LOC122539214: variants seen among roughly 807,000 people sequenced by gnomAD.
chr19:52,659,096 G>A, the LOC122539214 span, among the ~76,000 whole-genome samples: 2 of 152,070 alleles, frequency 1.3e-5, no homozygotes, highest in East Asian at 1.9e-4. Flanking sequence ...GCAGACCCCC[G>A]CAGCTAATGC....
the LOC122539214 span, among the ~76,000 whole-genome samples, chr19:52,676,968 T>A: frequency 7.0e-6 from 1 of 143,632 alleles, no homozygotes; most frequent in African/African-American, 2.6e-5. Context: ...TAATCTCAAG[T>A]AATCAGGGAC....
chr19:52,676,386 C>T, the LOC122539214 span, among the ~76,000 whole-genome samples: 1 of 152,328 alleles, frequency 6.6e-6, no homozygotes, highest in African/African-American at 2.4e-5. Flanking sequence ...AGATTGCAGC[C>T]TCTGCCCGGC....
chr19:52,680,787 T>C, the LOC122539214 span, among the ~76,000 whole-genome samples: 1 of 147,574 alleles, frequency 6.8e-6, no homozygotes, highest in African/African-American at 2.6e-5. Flanking sequence ...TAATTTTTTG[T>C]ATTTTTAGTA....
At chr19:52,674,872 C>T in the LOC122539214 span, among the ~76,000 whole-genome samples, 1 of 152,194 alleles carries the variant, frequency 6.6e-6, no homozygotes, top group Admixed American at 6.5e-5. Flanking sequence ...AAATCCCTAT[C>T]AGTTTTTGTC....
chr19:52,666,618 CAAAA>C, the LOC122539214 span, among the ~76,000 whole-genome samples: 682 of 105,780 alleles, frequency 6.4e-3, 6 homozygotes, highest in African/African-American at 0.019. Context: ...TATCCTAAGT[CAAAA>C]AAAAAAAAAA....
chr19:52,664,184 ATTTT>A, the LOC122539214 span, among the ~76,000 whole-genome samples: 10 of 141,852 alleles, frequency 7.0e-5, no homozygotes, highest in Admixed American at 3.5e-4. Context: ...CACCAGGCCT[ATTTT>A]TTTTTTTTTT....
chr19:52,659,963 C>G, the LOC122539214 span, among the ~76,000 whole-genome samples: 1 of 152,070 alleles, frequency 6.6e-6, no homozygotes, highest in African/African-American at 2.4e-5. Context: ...GAGGCTGAGG[C>G]GGGCAGATCA....
the LOC122539214 span, among the ~76,000 whole-genome samples, chr19:52,656,828 T>A: frequency 6.9e-6 from 1 of 145,638 alleles, no homozygotes; most frequent in Non-Finnish European, 1.5e-5. Flanking sequence ...ATAGTGCCAT[T>A]TCATTCCAGC....
At chr19:52,663,536 A>G in the LOC122539214 span, among the ~76,000 whole-genome samples, 1 of 152,228 alleles carries the variant, frequency 6.6e-6, no homozygotes, top group Admixed American at 6.5e-5. Context: ...ATCAGATGAC[A>G]TGAGGAAAGA....
the LOC122539214 span, chr19:52,650,996 G>A: frequency 6.6e-6 from 1 of 152,206 alleles, no homozygotes; most frequent in Non-Finnish European, 1.5e-5. Context: ...CCCTTAGAAG[G>A]TAGATTAGGT....
the LOC122539214 span, among the ~76,000 whole-genome samples, chr19:52,687,535 A>T: frequency 1.6e-4 from 14 of 88,116 alleles, 4 homozygotes; most frequent in African/African-American, 5.6e-4. Flanking sequence ...TATATAAATT[A>T]TATATATAAA....
At chr19:52,671,752 A>C in the LOC122539214 span, among the ~76,000 whole-genome samples, 1 of 152,062 alleles carries the variant, frequency 6.6e-6, no homozygotes, top group Non-Finnish European at 1.5e-5. Context: ...ATTGCAATCT[A>C]TTTTAGGTGT....
At chr19:52,658,731 T>A in the LOC122539214 span, among the ~76,000 whole-genome samples, 1 of 152,094 alleles carries the variant, frequency 6.6e-6, no homozygotes, top group African/African-American at 2.4e-5. Flanking sequence ...CTAGGGACAA[T>A]AGAGGCTTCC....
the LOC122539214 span, among the ~76,000 whole-genome samples, chr19:52,671,968 C>T: frequency 6.6e-6 from 1 of 152,168 alleles, no homozygotes; most frequent in Non-Finnish European, 1.5e-5. Context: ...CACATTGACT[C>T]ACACCTGTAA....
chr19:52,668,343 G>C, the LOC122539214 span, among the ~76,000 whole-genome samples: 1 of 152,116 alleles, frequency 6.6e-6, no homozygotes, highest in African/African-American at 2.4e-5. Flanking sequence ...CACTGTTCCT[G>C]GATCAAGCCC....
chr19:52,655,413 G>T, the LOC122539214 span: 1 of 776,320 alleles, frequency 1.3e-6, no homozygotes, highest in South Asian at 1.7e-5. Context: ...AGCTGTCTAT[G>T]ACAGACAGGA....
the LOC122539214 span, chr19:52,652,548 A>C: frequency 3.4e-3 from 1,529 of 443,908 alleles, 5 homozygotes; most frequent in Non-Finnish European, 5.5e-3. Flanking sequence ...TGCTGCAATC[A>C]TGACATTTGT....
the LOC122539214 span, among the ~76,000 whole-genome samples, chr19:52,671,258 G>C: frequency 2.0e-5 from 3 of 152,016 alleles, no homozygotes; most frequent in Non-Finnish European, 4.4e-5. Flanking sequence ...AAAAAAATCA[G>C]AGCTTACACC....
the LOC122539214 span, among the ~76,000 whole-genome samples, chr19:52,664,070 G>A: frequency 3.9e-5 from 6 of 152,128 alleles, no homozygotes; most frequent in Admixed American, 1.3e-4. Flanking sequence ...TTTCAGTTGA[G>A]ATGAGGATTC....
Sources: gnomAD v4.1 joint callset for allele counts (sites outside exome capture counted in the v4.1 genomes callset) on GRCh38, gnomAD v4.1.1 for gene constraint, MANE v1.5 for transcripts.